OCM2: variants seen among roughly 807,000 people sequenced by gnomAD.
The protein encoded by OCM2 is oncomodulin-2.
Under a neutral mutation model 13.6 loss-of-function variants are expected in OCM2, and 6 were observed. The observed-to-expected ratio is 0.44, with a 90% confidence interval of 0.24 to 0.87. The LOEUF is 0.87. Among genes scored for constraint, OCM2 ranks in the 40% least tolerant of loss-of-function variants. OCM2 has a pLI of 0.22. For synonymous variants in OCM2, 40 were observed against 50.7 expected, an observed-to-expected ratio of 0.79 and a Z score of 0.90; for missense variants, 118 against 136.8, an observed-to-expected ratio of 0.86 and a Z score of 0.68.
At chr7:97,989,783 G>A (rs78572515) in intron 1 of OCM2, among the ~76,000 whole-genome samples, 2 of 149,398 alleles carry the variant, frequency 1.3e-5, no homozygotes, top group East Asian at 2.0e-4. Context: ...TCAGCCTCCC[G>A]AGTAGCTGGG....
At chr7:97,988,454 G>T (rs781475330) in exon 2 of OCM2, 5 of 1,614,148 alleles carry the variant, frequency 3.1e-6, no homozygotes, top group Non-Finnish European at 4.2e-6. Flanking sequence ...TCTGGTCGTT[G>T]TCTATGAACC....
chr7:97,984,689 A>G (rs959235707), exon 4 of OCM2: 64 of 486,980 alleles, frequency 1.3e-4, no homozygotes, highest in Non-Finnish European at 2.3e-4. Context: ...GCAGATGTTG[A>G]GAAGCCTGTC....
rs769871685 is a variant in OCM2 at position 97,987,033 on chromosome 7, A to T, written c.304+14T>A. ...AGCTAGAGTGTTTTATGCTACGTAC[A>T]CGTGTGGACATACCCTCTGCTCCAA... On this transcript the variant is annotated intron_variant, in intron 3 of 3. Coordinates refer to ENST00000257627, the Ensembl canonical transcript of OCM2. 5.0e-6 allele frequency: 8 copies of T among 1,612,248 alleles called. No individual in the cohort carries two copies. Among genetic ancestry groups the T allele is most frequent in the Admixed American group, 1.7e-5 (1 of 59,756 alleles).
chr7:97,986,922 G>A, intron 3 of OCM2, 125 bp downstream of exon 3: 34 of 1,469,272 alleles, frequency 2.3e-5, no homozygotes, highest in Non-Finnish European at 3.0e-5. Context: ...CAGATGAGAA[G>A]ACTGAGGCTC....
At chr7:97,987,217 CTT>C (rs1794681889) in intron 2 of OCM2, 61 bp from the exon 3 acceptor site, 1 of 1,599,812 alleles carries the variant, frequency 6.3e-7, no homozygotes. Flanking sequence ...TGTGTTTAGA[CTT>C]TTGTTTTTCC....
At chr7:97,986,837 C>T (rs1301869514) in intron 3 of OCM2, among the ~76,000 whole-genome samples, 2 of 152,118 alleles carry the variant, frequency 1.3e-5, no homozygotes, top group Non-Finnish European at 2.9e-5. Context: ...GTGTGACCAG[C>T]TTCTATATAC....
exon 3 of OCM2, chr7:97,987,066 A>G: frequency 1.2e-6 from 2 of 1,613,210 alleles, no homozygotes; most frequent in Non-Finnish European, 1.7e-6. Context: ...CAATTTTCCC[A>G]TCTCCATCAT....
intron 1 of OCM2, 70 bp from the exon 2 acceptor site, chr7:97,988,618 A>G: frequency 6.3e-7 from 1 of 1,587,616 alleles, no homozygotes; most frequent in Non-Finnish European, 8.6e-7. Flanking sequence ...AAGGTACTGA[A>G]AACACAGATG....
At chr7:97,989,949 C>T (rs376622785) in intron 1 of OCM2, 95 bp downstream of exon 1, 39 of 1,289,162 alleles carry the variant, frequency 3.0e-5, no homozygotes, top group Middle Eastern at 1.9e-4. Context: ...TGAGCCACTG[C>T]GTCTGGCCGC....
At chr7:97,984,803 C>G (rs1794654025) in exon 4 of OCM2, 1 of 1,107,650 alleles carries the variant, frequency 9.0e-7, no homozygotes, top group Admixed American at 2.2e-5. Context: ...GTGACTCTCT[C>G]GTGACCTCGC....
Position 97,984,941 on chromosome 7 carries a change from T to C in OCM2, c.*17A>G, listed in dbSNP as rs774371245. On this transcript the variant is annotated 3_prime_UTR_variant, in exon 4 of 4. Coordinates refer to ENST00000257627, the Ensembl canonical transcript of OCM2. ...GGTGATTATCCCTTTCTCTCTTTTC[T>C]CCAGAGACTGGGGCTTTTAAGAATG... 20 of 1,611,452 alleles carry C rather than the reference T, an allele frequency of 1.2e-5. 1 individual carries two copies. The South Asian group carries it at 2.0e-4, about 16-fold the overall frequency.
chr7:97,990,018 C>CCCCCCCG, intron 1 of OCM2, 26 bp downstream of exon 1: 5 of 722,988 alleles, frequency 6.9e-6, no homozygotes, highest in Non-Finnish European at 9.7e-6. Flanking sequence ...TGAGGAAATC[C>CCCCCCCG]CACCCCCGCC....
chr7:97,985,467 G>A (rs1343924203), intron 3 of OCM2, among the ~76,000 whole-genome samples: 1 of 149,158 alleles, frequency 6.7e-6, no homozygotes, highest in Non-Finnish European at 1.5e-5. Flanking sequence ...AAAAAACCCT[G>A]GGTATCAATG....
chr7:97,987,710 A>G (rs1443762947), intron 2 of OCM2, among the ~76,000 whole-genome samples: 2 of 150,288 alleles, frequency 1.3e-5, no homozygotes, highest in Non-Finnish European at 3.0e-5. Context: ...TATTTGAGAC[A>G]GAGTCTCTGT....
At chr7:97,986,618 A>G (rs768094893) in intron 3 of OCM2, among the ~76,000 whole-genome samples, 4 of 152,218 alleles carry the variant, frequency 2.6e-5, no homozygotes, top group Non-Finnish European at 4.4e-5. Context: ...AAACCCTTGA[A>G]GATGAAGAGG....
At chr7:97,986,347 G>A (rs1344737216) in intron 3 of OCM2, among the ~76,000 whole-genome samples, 2 of 150,856 alleles carry the variant, frequency 1.3e-5, no homozygotes, top group Non-Finnish European at 2.9e-5. Flanking sequence ...AGCATCTAAC[G>A]TAGCAGTTTT....
At chr7:97,986,652 C>A (rs936774351) in intron 3 of OCM2, among the ~76,000 whole-genome samples, 1 of 152,008 alleles carries the variant, frequency 6.6e-6, no homozygotes, top group Non-Finnish European at 1.5e-5. Context: ...GCCAATGGAC[C>A]CTGGTCTGAG....
At chr7:97,986,173 A>G (rs902362259) in intron 3 of OCM2, among the ~76,000 whole-genome samples, 1 of 152,194 alleles carries the variant, frequency 6.6e-6, no homozygotes, top group African/African-American at 2.4e-5. Context: ...TTGGCCTCCA[A>G]AAGTGCTGGG....
intron 1 of OCM2, among the ~76,000 whole-genome samples, chr7:97,989,700 T>C (rs1210506644): frequency 1.3e-5 from 2 of 150,976 alleles, no homozygotes; most frequent in African/African-American, 4.9e-5. Context: ...TGAGCCACCA[T>C]GCCTGGTCTA....
Sources: allele counts gnomAD v4.1 joint callset (sites outside exome capture counted in the v4.1 genomes callset), GRCh38; gene constraint gnomAD v4.1.1; transcripts MANE v1.5; gene names NCBI Gene and HGNC (gene_info 2026-07-23, HGNC 2026-07-21).